The following GUCY1A2 variants were observed in gnomAD, a reference collection of about 807,000 sequenced individuals.
GUCY1A2 encodes guanylate cyclase soluble subunit alpha-2.
GUCY1A2 carries 27 observed loss-of-function variants against 63.5 expected under a neutral mutation model. The observed-to-expected ratio is 0.43, with a 90% CI of 0.31 to 0.59. The LOEUF (loss-of-function observed/expected upper bound fraction) is 0.59, where lower values mean the gene tolerates loss of function less well. Ranked by LOEUF, GUCY1A2 falls within the 20% of genes least tolerant of loss-of-function variation. GUCY1A2 has a pLI of 0.11. For missense variants in GUCY1A2, 768 were observed against 913.3 expected (o/e 0.84, Z 2.05); for synonymous variants, 364 against 343.5 (o/e 1.06, Z -0.66).
At chr11:106,913,141 AT>A (rs1184086633) in intron 4 of GUCY1A2, among the ~76,000 whole-genome samples, 2 of 152,090 alleles carry the variant, frequency 1.3e-5, no homozygotes, top group Admixed American at 6.6e-5. Flanking sequence ...ATATATATAT[AT>A]AAAAGCAATC....
chr11:106,922,867 AACTGAACCCTG>A (rs1860467764), intron 4 of GUCY1A2, among the ~76,000 whole-genome samples: 1 of 151,774 alleles, frequency 6.6e-6, no homozygotes, highest in Non-Finnish European at 1.5e-5. Flanking sequence ...AATGGTCTTG[AACTGAACCCTG>A]ACTGAATATA....
intron 4 of GUCY1A2, among the ~76,000 whole-genome samples, chr11:106,913,121 A>G (rs888712324): frequency 3.0e-4 from 12 of 40,028 alleles, no homozygotes; most frequent in Non-Finnish European, 6.4e-4. Flanking sequence ...ATTTTTTTCA[A>G]AAGATATATA....
At chr11:107,017,553 A>G (rs1467192302) in intron 1 of GUCY1A2, among the ~76,000 whole-genome samples, 200 bp downstream of exon 1, 1 of 152,160 alleles carries the variant, frequency 6.6e-6, no homozygotes, top group Non-Finnish European at 1.5e-5. Flanking sequence ...ATTCCTTCCC[A>G]GTGCTGTAGT....
rs547651549 is a variant in GUCY1A2, at chr11:106,826,747, C to T, written c.1207-16269G>A. On this transcript the variant is annotated intron_variant, in intron 4 of 7. Coordinates refer to ENST00000526355, the MANE Select transcript of GUCY1A2 (RefSeq NM_000855.3). ...AGCCATGCACTTTGCTGCATACCAT[C>T]CCATCTGTCTAGCCTGGGTCCACAG... 1.9e-3 allele frequency: 3,041 copies of T among 1,610,914 alleles called. 2 individuals carry two copies. The highest frequency in any genetic ancestry group is 2.3e-3 in the Non-Finnish European group (2,671 of 1,178,256).
At chr11:106,847,289 T>C (rs928829197) in intron 4 of GUCY1A2, among the ~76,000 whole-genome samples, 2 of 138,760 alleles carry the variant, frequency 1.4e-5, no homozygotes, top group Non-Finnish European at 3.2e-5. Flanking sequence ...GGATTGTTTC[T>C]GCTTATATAT....
chr11:106,899,477 T>G (rs1454242731), intron 4 of GUCY1A2, among the ~76,000 whole-genome samples: 1 of 152,194 alleles, frequency 6.6e-6, no homozygotes, highest in East Asian at 1.9e-4. Flanking sequence ...TTTCATGTAT[T>G]GTAAATTAAT....
At chr11:106,993,122 T>C (rs1250758025) in intron 1 of GUCY1A2, among the ~76,000 whole-genome samples, 2 of 152,210 alleles carry the variant, frequency 1.3e-5, no homozygotes. Context: ...ATATAGAAGA[T>C]GGTTGGAATC....
chr11:106,705,014 G>T (rs1591237731), intron 7 of GUCY1A2, among the ~76,000 whole-genome samples: 1 of 151,728 alleles, frequency 6.6e-6, no homozygotes, highest in Admixed American at 6.6e-5. Flanking sequence ...AAAAATGTGT[G>T]TAAACACATT....
chr11:106,803,634 A>C (rs1858640822), intron 5 of GUCY1A2, among the ~76,000 whole-genome samples: 1 of 152,180 alleles, frequency 6.6e-6, no homozygotes, highest in Admixed American at 6.6e-5. Context: ...TGAAGGAGAC[A>C]CTGTTTTAAG....
chr11:106,711,509 T>G (rs1392152989), intron 6 of GUCY1A2, among the ~76,000 whole-genome samples: 1 of 152,184 alleles, frequency 6.6e-6, no homozygotes, highest in Non-Finnish European at 1.5e-5. Flanking sequence ...GGCTGCTCTA[T>G]TCCCCTCAGT....
At chr11:106,905,184 C>T (rs1006960862) in intron 4 of GUCY1A2, among the ~76,000 whole-genome samples, 3 of 151,936 alleles carry the variant, frequency 2.0e-5, no homozygotes, top group African/African-American at 4.8e-5. Context: ...GCCTAAACAC[C>T]CTAGAACAAA....
At chr11:106,771,601 A>T (rs1408544194) in intron 6 of GUCY1A2, among the ~76,000 whole-genome samples, 1 of 152,090 alleles carries the variant, frequency 6.6e-6, no homozygotes, top group East Asian at 1.9e-4. Flanking sequence ...AGTTTTTTTT[A>T]AATAGTCAGG....
chr11:106,861,600 A>C (rs1221031194), intron 4 of GUCY1A2, among the ~76,000 whole-genome samples: 5 of 152,062 alleles, frequency 3.3e-5, no homozygotes, highest in African/African-American at 9.7e-5. Flanking sequence ...GGATGTTCTT[A>C]GGATAATAAA....
chr11:106,999,555 TG>T (rs1861585978), intron 1 of GUCY1A2, among the ~76,000 whole-genome samples: 1 of 152,212 alleles, frequency 6.6e-6, no homozygotes. Flanking sequence ...CCTTATCTAA[TG>T]GCCAAAATGT....
chr11:106,855,081 G>A (rs1859410304), intron 4 of GUCY1A2, among the ~76,000 whole-genome samples: 1 of 152,114 alleles, frequency 6.6e-6, no homozygotes, highest in African/African-American at 2.4e-5. Flanking sequence ...ATGTAGTCTG[G>A]TGGGAGTTGG....
intron 1 of GUCY1A2, among the ~76,000 whole-genome samples, chr11:107,000,824 A>C (rs1861603991): frequency 6.6e-6 from 1 of 152,222 alleles, no homozygotes; most frequent in African/African-American, 2.4e-5. Flanking sequence ...AATAATTGGT[A>C]AGACAACATT....
intron 5 of GUCY1A2, among the ~76,000 whole-genome samples, chr11:106,799,716 C>T (rs893201992): frequency 1.3e-5 from 2 of 152,166 alleles, no homozygotes; most frequent in African/African-American, 2.4e-5. Flanking sequence ...AGATCCCTTC[C>T]TTACACCTTA....
chr11:106,819,411 G>A (rs1391879674), intron 4 of GUCY1A2, among the ~76,000 whole-genome samples: 4 of 152,082 alleles, frequency 2.6e-5, no homozygotes, highest in African/African-American at 7.2e-5. Context: ...CGAGTCAATC[G>A]ATGCAGCAAA....
intron 4 of GUCY1A2, among the ~76,000 whole-genome samples, chr11:106,810,805 A>G (rs1391088518): frequency 6.6e-6 from 1 of 152,150 alleles, no homozygotes; most frequent in African/African-American, 2.4e-5. Flanking sequence ...GAGCCAATTC[A>G]AAAGCTTTCA....
Sources: allele counts gnomAD v4.1 joint callset (sites outside exome capture counted in the v4.1 genomes callset), GRCh38; gene constraint gnomAD v4.1.1; transcripts MANE v1.5; gene names NCBI Gene and HGNC (gene_info 2026-07-23, HGNC 2026-07-21).